Variants in CSMD1 observed in about 807,000 individuals in gnomAD.
CSMD1 encodes CUB and Sushi multiple domains 1.
CSMD1 carries 213 observed loss-of-function variants against 417.5 expected under a neutral mutation model. The observed-to-expected ratio is 0.51, with a 90% confidence interval of 0.46 to 0.57. The LOEUF (loss-of-function observed/expected upper bound fraction) is 0.57. Ranked by LOEUF, CSMD1 falls within the 20% of genes least tolerant of loss-of-function variation. CSMD1 has a pLI of 0.00. For synonymous variants in CSMD1, 2,862 were observed against 1,736.8 expected, an observed-to-expected ratio of 1.65 and a Z score of -16.11; for missense variants, 6,923 against 4,529.7, an observed-to-expected ratio of 1.53 and a Z score of -15.17.
rs1186510061 is a variant in CSMD1, at chr8:4,422,373, C to G, written c.303-2308G>C. 4.6e-5 allele frequency among the ~76,000 whole-genome samples: 7 copies of G among 152,024 alleles called. No homozygotes were observed. The East Asian group carries it at 1.2e-3, about 25-fold the overall frequency. On this transcript the variant is annotated intron_variant, in intron 2 of 69. Coordinates refer to ENST00000635120, the MANE Select transcript of CSMD1 (RefSeq NM_033225.6). ...ACTGAAGCCCCAACCCCCAACATAA[C>G]TAGATTTGGAAATGGGGCTTTACAG...
chr8:4,035,334 G>T (rs995551833), intron 3 of CSMD1, among the ~76,000 whole-genome samples: 21 of 152,096 alleles, frequency 1.4e-4, no homozygotes, highest in Admixed American at 1.4e-3. Flanking sequence ...ACTGTCACTG[G>T]TTTTTCTACT....
At chr8:4,012,690 C>T (rs1454242994) in intron 4 of CSMD1, among the ~76,000 whole-genome samples, 1 of 152,178 alleles carries the variant, frequency 6.6e-6, no homozygotes, top group African/African-American at 2.4e-5. Context: ...ATCCAACTCC[C>T]TATTTCAACT....
chr8:4,095,796 T>G (rs1382257627), intron 3 of CSMD1, among the ~76,000 whole-genome samples: 2 of 152,248 alleles, frequency 1.3e-5, no homozygotes, highest in African/African-American at 4.8e-5. Context: ...TTTATATATG[T>G]ATTTGTATGC....
intron 7 of CSMD1, among the ~76,000 whole-genome samples, chr8:3,628,105 G>C (rs891043460): frequency 2.6e-5 from 4 of 152,118 alleles, no homozygotes; most frequent in African/African-American, 9.7e-5. Context: ...CATAGAAAAA[G>C]ACCGGCAGTG....
chr8:4,061,546 A>G (rs753094447), intron 3 of CSMD1, among the ~76,000 whole-genome samples: 1 of 152,184 alleles, frequency 6.6e-6, no homozygotes, highest in Non-Finnish European at 1.5e-5. Flanking sequence ...AAGAAAGCCT[A>G]CAGAATAATA....
At chr8:3,590,956 G>C (rs982563515) in intron 8 of CSMD1, among the ~76,000 whole-genome samples, 2 of 152,152 alleles carry the variant, frequency 1.3e-5, no homozygotes, top group African/African-American at 4.8e-5. Context: ...TATATTTGAA[G>C]TAATATAAAT....
chr8:4,482,436 T>C (rs1801150747), intron 2 of CSMD1, among the ~76,000 whole-genome samples: 1 of 152,230 alleles, frequency 6.6e-6, no homozygotes, highest in Non-Finnish European at 1.5e-5. Flanking sequence ...TATTTGTTCT[T>C]ATGGCTGCAT....
intron 3 of CSMD1, among the ~76,000 whole-genome samples, chr8:4,356,326 T>C (rs896279728): frequency 9.4e-6 from 1 of 106,716 alleles, no homozygotes; most frequent in Non-Finnish European, 1.9e-5. Flanking sequence ...TCATCATATG[T>C]AATACACACA....
chr8:4,691,216 T>A (rs1424167748), intron 1 of CSMD1, among the ~76,000 whole-genome samples: 1 of 152,200 alleles, frequency 6.6e-6, no homozygotes, highest in East Asian at 1.9e-4. Flanking sequence ...CTCCTAGGGA[T>A]GGGCTGGTGA....
intron 12 of CSMD1, among the ~76,000 whole-genome samples, chr8:3,411,630 T>G (rs1460264171): frequency 1.3e-5 from 2 of 148,212 alleles, no homozygotes; most frequent in Admixed American, 6.8e-5. Flanking sequence ...AATTCATTCC[T>G]TATTATCGTT....
intron 4 of CSMD1, among the ~76,000 whole-genome samples, chr8:4,008,560 T>G (rs771054612): frequency 2.0e-5 from 3 of 150,690 alleles, no homozygotes; most frequent in Non-Finnish European, 3.0e-5. Flanking sequence ...TTGTTAAAGT[T>G]AGCACACAAC....
Position 3,408,293 on chromosome 8 carries a change from C to T in CSMD1, c.1745-68G>A, listed in dbSNP as rs903629448. On this transcript the variant is annotated intron_variant, in intron 13 of 69. Coordinates refer to ENST00000635120, the MANE Select transcript of CSMD1 (RefSeq NM_033225.6). ...CCAAAGAATTGCCATGTGAAACAGA[C>T]AGCTAAGAACCTGGAAAGGCAATTC... 17 of 1,263,664 alleles carry T rather than the reference C, an allele frequency of 1.3e-5. No homozygotes were observed. In the East Asian group the frequency reaches 1.5e-4, roughly 11 times the overall value. 78.3% of individuals were successfully genotyped at this position (1,263,664 alleles called of 1,614,324 possible).
At chr8:3,241,074 TACA>T (rs1313035121) in intron 26 of CSMD1, among the ~76,000 whole-genome samples, 2 of 149,854 alleles carry the variant, frequency 1.3e-5, no homozygotes, top group Non-Finnish European at 3.0e-5. Flanking sequence ...GGTGAGGGGA[TACA>T]AGAGGAGGAC....
chr8:4,264,207 G>A (rs953875970), intron 3 of CSMD1, among the ~76,000 whole-genome samples: 3 of 152,132 alleles, frequency 2.0e-5, no homozygotes, highest in African/African-American at 4.8e-5. Flanking sequence ...TTACCAACGT[G>A]ACTACAATTA....
chr8:4,513,360 C>A (rs1158866750), intron 2 of CSMD1, among the ~76,000 whole-genome samples: 1 of 152,082 alleles, frequency 6.6e-6, no homozygotes, highest in Non-Finnish European at 1.5e-5. Flanking sequence ...ATCGAAGCTA[C>A]TATAGCGATG....
At chr8:4,297,601 G>C (rs902963685) in intron 3 of CSMD1, among the ~76,000 whole-genome samples, 1 of 152,068 alleles carries the variant, frequency 6.6e-6, no homozygotes. Context: ...ATTCCTGTAA[G>C]GCTAAGATAG....
intron 3 of CSMD1, among the ~76,000 whole-genome samples, chr8:4,084,680 T>C (rs1220959923): frequency 6.6e-6 from 1 of 152,046 alleles, no homozygotes; most frequent in East Asian, 1.9e-4. Context: ...GGGAAAGCAC[T>C]AGCAATAGAG....
At chr8:4,424,296 CA>C (rs1797420107) in intron 2 of CSMD1, among the ~76,000 whole-genome samples, 1 of 151,826 alleles carries the variant, frequency 6.6e-6, no homozygotes, top group African/African-American at 2.4e-5. Flanking sequence ...AAATATCTGA[CA>C]AAAGACAAGT....
chr8:4,959,334 T>G (rs1335985843), intron 1 of CSMD1, among the ~76,000 whole-genome samples: 1 of 152,220 alleles, frequency 6.6e-6, no homozygotes, highest in African/African-American at 2.4e-5. Context: ...TTATTCAACA[T>G]GTACCTGGTG....
Sources: allele counts gnomAD v4.1 joint callset (sites outside exome capture counted in the v4.1 genomes callset), GRCh38; gene constraint gnomAD v4.1.1; transcripts MANE v1.5; gene names NCBI Gene and HGNC (gene_info 2026-07-23, HGNC 2026-07-21).